TGM3: variants seen among roughly 807,000 people sequenced by gnomAD.
TGM3 encodes the protein transglutaminase 3, also known as protein-glutamine gamma-glutamyltransferase E.
A neutral mutation model predicts 73.8 loss-of-function variants in TGM3; 52 were observed. The observed-to-expected ratio is 0.70, with a 90% CI of 0.56 to 0.89. TGM3 has a LOEUF of 0.89. TGM3 is among the 40% of genes least tolerant of loss of function. The probability of loss-of-function intolerance (pLI) is 0.00; values close to 1 mark genes in which losing one functional copy is unlikely to be tolerated. For missense variants in TGM3, 928 were observed against 909.9 expected, an observed-to-expected ratio of 1.02 and a Z score of -0.26; for synonymous variants, 372 against 354.9, an observed-to-expected ratio of 1.05 and a Z score of -0.54.
intron 5 of TGM3, among the ~76,000 whole-genome samples, chr20:2,316,650 C>T (rs190652852): frequency 4.0e-5 from 6 of 151,054 alleles, no homozygotes; most frequent in Admixed American, 4.0e-4. Flanking sequence ...AGACCATACA[C>T]CAAAAAAGAG....
intron 1 of TGM3, among the ~76,000 whole-genome samples, chr20:2,297,424 C>T (rs996127166): frequency 1.3e-5 from 2 of 152,202 alleles, no homozygotes; most frequent in Admixed American, 1.3e-4. Context: ...TTTTGAGGTT[C>T]CTTCCAGTAC....
rs45583632 is a variant in TGM3, at chr20:2,339,849, C to G, written c.1801-5C>G. The G allele has an allele frequency of 6.4e-3, 10,322 of 1,613,956 alleles. 386 individuals carry two copies. In the South Asian group the frequency reaches 0.075, roughly 12 times the overall value. On this transcript the variant is annotated splice_polypyrimidine_tract_variant and splice_region_variant and intron_variant, in intron 11 of 12. Transcript: ENST00000381458. Reference sequence around the variant, plus strand: ...TCCTGACTCGGCAGCCCCTCTCCCCCATAGGTGCTGAACGAGGCTCGTGTG... The same window carrying G: ...TCCTGACTCGGCAGCCCCTCTCCCCGATAGGTGCTGAACGAGGCTCGTGTG...
intron 5 of TGM3, among the ~76,000 whole-genome samples, chr20:2,315,386 A>G (rs2084227863): frequency 6.6e-6 from 1 of 152,140 alleles, no homozygotes. Context: ...GACTCAGGAG[A>G]TGGGGAAGGG....
chr20:2,340,623 G>A lies in TGM3; in HGVS notation c.*42G>A, dbSNP rs559277246. ...CCCGTACAAACTTGGACAACACGGAGCAGGGAGAGCTCACCATGGAATGAA... is the reference window on the plus strand; with the variant it reads ...CCCGTACAAACTTGGACAACACGGAACAGGGAGAGCTCACCATGGAATGAA... On this transcript the variant is annotated 3_prime_UTR_variant, in exon 13 of 13. Coordinates refer to ENST00000381458, the MANE Select transcript of TGM3 (RefSeq NM_003245.4). The A allele has an allele frequency of 6.2e-7, 1 of 1,612,858 alleles. No individual in the cohort carries two copies. The highest frequency in any genetic ancestry group is 8.5e-7 in the Non-Finnish European group (1 of 1,179,212).
intron 1 of TGM3, among the ~76,000 whole-genome samples, chr20:2,305,992 C>G (rs214798): frequency 0.44 from 67,391 of 151,976 alleles, 15,595 homozygotes; most frequent in South Asian, 0.51. Context: ...TGCAAAATAC[C>G]CCTCATATTC....
chr20:2,302,213 A>C (rs2084152111), intron 1 of TGM3, among the ~76,000 whole-genome samples: 2 of 152,064 alleles, frequency 1.3e-5, no homozygotes, highest in African/African-American at 4.8e-5. Flanking sequence ...CCCATCACAC[A>C]CCCAGCGACC....
At chr20:2,339,807 G>A (rs368983683) in intron 11 of TGM3, 47 bp from the exon 12 acceptor site, 555 of 1,611,986 alleles carry the variant, frequency 3.4e-4, no homozygotes, top group Non-Finnish European at 4.5e-4. Flanking sequence ...GTGCAGGCAG[G>A]GGCTGAGCAG....
chr20:2,326,016 G>C, intron 8 of TGM3, 64 bp downstream of exon 8: 1 of 1,477,282 alleles, frequency 6.8e-7, no homozygotes, highest in Non-Finnish European at 9.3e-7. Flanking sequence ...ATGGACAGCA[G>C]CATAGGGAAG....
Position 2,339,912 on chromosome 20 carries a change from C to T in TGM3, c.1859C>T (p.Pro620Leu). 1 of 1,614,030 alleles carries T rather than the reference C, an allele frequency of 6.2e-7. No individual in the cohort carries two copies. The highest frequency in any genetic ancestry group is 8.5e-7 in the Non-Finnish European group (1 of 1,179,988). ...AACGTGCAGATGCTCTTCTCCAATC[C>T]ACTGGATGAGCCGGTGAGGGACTGC... is the stretch of plus-strand genomic sequence containing the variant. ...PVNVQMLFSN[P>L]LDEPVRDCVL... Residue 620 changes from proline (P) to leucine (L), a missense_variant, in exon 12 of 13, where the codon CCA becomes CTA. Physicochemically the swap from Pro to Leu is moderately conservative, Grantham distance 98. Transcript: ENST00000381458.
chr20:2,307,066 C>T (rs577376577), intron 1 of TGM3, among the ~76,000 whole-genome samples: 4 of 152,308 alleles, frequency 2.6e-5, no homozygotes, highest in South Asian at 4.1e-4. Context: ...TCAACAGACC[C>T]TTGTTGATTG....
chr20:2,327,593 G>A (rs1324520683), intron 8 of TGM3, among the ~76,000 whole-genome samples: 1 of 152,164 alleles, frequency 6.6e-6, no homozygotes, highest in Non-Finnish European at 1.5e-5. Flanking sequence ...CTTTCTAGGG[G>A]TTGTGGTGAA....
Position 2,340,524 on chromosome 20 carries a change from C to G in TGM3, c.2025C>G (p.Phe675Leu). 1 of 1,614,220 alleles carries G rather than the reference C, an allele frequency of 6.2e-7. No homozygotes were observed. The highest frequency in any genetic ancestry group is 1.1e-5 in the South Asian group (1 of 91,086). Residue 675 changes from phenylalanine (F) to leucine (L), a missense_variant, in exon 13 of 13, where the codon TTC (phenylalanine) becomes TTG (leucine). Phe to Leu is a conservative substitution (Grantham distance 22). Transcript: ENST00000381458. Reference protein sequence around the residue: ...RSGTKQLLADFSCNKFPAIKA... With the variant: ...RSGTKQLLADLSCNKFPAIKA... ...GCACCAAGCAACTGCTCGCCGACTTCTCCTGCAACAAGTTCCCTGCAATCA... is the reference window on the plus strand; with the variant it reads ...GCACCAAGCAACTGCTCGCCGACTTGTCCTGCAACAAGTTCCCTGCAATCA...
At chr20:2,314,499 C>T (rs1464040924) in intron 5 of TGM3, among the ~76,000 whole-genome samples, 1 of 149,846 alleles carries the variant, frequency 6.7e-6, no homozygotes, top group Non-Finnish European at 1.5e-5. Flanking sequence ...TGAGACCAGC[C>T]TGGACAACAT....
intron 8 of TGM3, among the ~76,000 whole-genome samples, chr20:2,326,335 C>T (rs919793103): frequency 6.6e-6 from 1 of 152,212 alleles, no homozygotes; most frequent in African/African-American, 2.4e-5. Flanking sequence ...GGTCACCACC[C>T]ACAGCAGCTC....
chr20:2,333,392 G>A (rs1274355416), intron 10 of TGM3, among the ~76,000 whole-genome samples: 2 of 151,986 alleles, frequency 1.3e-5, no homozygotes, highest in African/African-American at 4.8e-5. Flanking sequence ...GTTTGTTTTT[G>A]TTTATTTGTT....
At chr20:2,333,507 A>C (rs1398233017) in intron 10 of TGM3, among the ~76,000 whole-genome samples, 1 of 152,104 alleles carries the variant, frequency 6.6e-6, no homozygotes, top group African/African-American at 2.4e-5. Context: ...CAGCCCCCCA[A>C]GTAGCTGTAG....
chr20:2,302,011 AT>A (rs2084150926), intron 1 of TGM3, among the ~76,000 whole-genome samples: 1 of 152,114 alleles, frequency 6.6e-6, no homozygotes, highest in African/African-American at 2.4e-5. Context: ...ACTTTTTAGC[AT>A]TTCTGTCAGC....
intron 12 of TGM3, 46 bp downstream of exon 12, chr20:2,340,033 C>CGGGAGGGGGTGGGGGGGGGGGGGGGGGGG: frequency 5.1e-6 from 1 of 196,588 alleles, no homozygotes; most frequent in Non-Finnish European, 9.7e-6. Context: ...CGGGAGGGGG[C>CGGGAGGGGGTGGGGGGGGGGGGGGGGGGG]GGGGGGGCCC....
chr20:2,311,687 C>A (rs148318255), intron 4 of TGM3, among the ~76,000 whole-genome samples: 1 of 152,108 alleles, frequency 6.6e-6, no homozygotes, highest in South Asian at 2.1e-4. Context: ...GCACCTCGGG[C>A]GGGGTGCCTT....
Sources: gnomAD v4.1 joint callset for allele counts (sites outside exome capture counted in the v4.1 genomes callset) on GRCh38, gnomAD v4.1.1 for gene constraint, MANE v1.5 for transcripts, NCBI Gene and HGNC (gene_info 2026-07-23, HGNC 2026-07-21) for gene names.